Variants in PCDH11X observed in about 807,000 individuals in gnomAD.
PCDH11X encodes protocadherin-11 X-linked.
PCDH11X carries 18 observed loss-of-function variants against 53.3 expected under a neutral mutation model. The observed-to-expected ratio is 0.34, with a 90% CI of 0.23 to 0.50. The LOEUF (loss-of-function observed/expected upper bound fraction) is 0.50. Ranked by LOEUF, PCDH11X falls within the 20% of genes least tolerant of loss-of-function variation. The pLI, the probability that PCDH11X is intolerant of heterozygous loss-of-function variation, is 0.98. For missense variants in PCDH11X, 570 were observed against 1,032.4 expected (o/e 0.55, Z 6.14); for synonymous variants, 279 against 393.3 (o/e 0.71, Z 3.44).
At chrX:92,564,691 C>T (rs1389763358) in intron 10 of PCDH11X, among the ~76,000 whole-genome samples, 2 of 111,649 alleles carry the variant, frequency 1.8e-5, no homozygotes, top group Non-Finnish European at 3.8e-5. Flanking sequence ...AAGAAACTCT[C>T]CAAGACATTG....
intron 10 of PCDH11X, among the ~76,000 whole-genome samples, chrX:92,610,587 T>C (rs1260986697): frequency 2.7e-5 from 3 of 110,470 alleles, no homozygotes; most frequent in Non-Finnish European, 5.7e-5. Flanking sequence ...TTGCAGAAGC[T>C]CTTTAGTTTA....
At chrX:92,220,502 C>A (rs1268822027) in intron 7 of PCDH11X, among the ~76,000 whole-genome samples, 4 of 109,150 alleles carry the variant, frequency 3.7e-5, no homozygotes, top group Non-Finnish European at 3.8e-5. Flanking sequence ...CAATGAGATA[C>A]CACCTCACAC....
chrX:92,368,942 T>C (rs1421056420), intron 8 of PCDH11X, among the ~76,000 whole-genome samples: 5 of 106,711 alleles, frequency 4.7e-5, no homozygotes, highest in Non-Finnish European at 9.7e-5. Flanking sequence ...TCAACCCCTA[T>C]TGGGAGGTCT....
chrX:92,237,563 G>A (rs183142111), intron 7 of PCDH11X, among the ~76,000 whole-genome samples: 1 of 111,420 alleles, frequency 9.0e-6, no homozygotes, highest in East Asian at 2.8e-4. Context: ...ATTGTTTATA[G>A]TAAATTTTCT....
chrX:92,446,153 T>TAA (rs4020634), intron 9 of PCDH11X, among the ~76,000 whole-genome samples: 5 of 92,694 alleles, frequency 5.4e-5, no homozygotes, highest in South Asian at 5.0e-4. Flanking sequence ...AAAGCAGAAT[T>TAA]AAAAAAAAAA....
At chrX:92,469,019 TG>T (rs1479841455) in intron 10 of PCDH11X, among the ~76,000 whole-genome samples, 1 of 109,561 alleles carries the variant, frequency 9.1e-6, no homozygotes, top group Admixed American at 9.9e-5. Flanking sequence ...CACATTTCTT[TG>T]TTGTCCACTT....
At chrX:92,398,194 A>C (rs1319183943) in intron 9 of PCDH11X, among the ~76,000 whole-genome samples, 3 of 111,511 alleles carry the variant, frequency 2.7e-5, no homozygotes, top group Non-Finnish European at 5.6e-5. Context: ...ACTTTGGCAA[A>C]TATCCCCTCA....
chrX:91,814,324 G>A (rs1050670257), intron 4 of PCDH11X, among the ~76,000 whole-genome samples: 3 of 110,650 alleles, frequency 2.7e-5, no homozygotes, highest in Admixed American at 9.7e-5. Context: ...ACTGGGATGT[G>A]TCTTTCTCAA....
intron 10 of PCDH11X, among the ~76,000 whole-genome samples, chrX:92,544,919 C>G (rs1255217408): frequency 9.0e-6 from 1 of 111,398 alleles, no homozygotes; most frequent in African/African-American, 3.3e-5. Context: ...ATTGATATAT[C>G]CAGATTCAAG....
intron 6 of PCDH11X, among the ~76,000 whole-genome samples, chrX:92,017,295 G>C: frequency 9.0e-6 from 1 of 111,338 alleles, no homozygotes; most frequent in Non-Finnish European, 1.9e-5. Context: ...ATTACACATT[G>C]CATGCCTGTA....
intron 6 of PCDH11X, among the ~76,000 whole-genome samples, chrX:91,892,973 G>A (rs1602443693): frequency 9.1e-6 from 1 of 109,892 alleles, no homozygotes; most frequent in Non-Finnish European, 1.9e-5. Flanking sequence ...TTTAATACCA[G>A]AGAGTATATG....
intron 6 of PCDH11X, among the ~76,000 whole-genome samples, chrX:92,163,759 A>G: frequency 9.0e-6 from 1 of 110,750 alleles, no homozygotes; most frequent in East Asian, 2.9e-4. Flanking sequence ...CTTTCTTGGT[A>G]TATTTCTGTA....
At chrX:92,015,717 A>T (rs2062781577) in intron 6 of PCDH11X, among the ~76,000 whole-genome samples, 1 of 111,961 alleles carries the variant, frequency 8.9e-6, no homozygotes, top group South Asian at 3.7e-4. Context: ...CATAACATCT[A>T]CAGTGGCTTC....
At chrX:92,314,019 G>A (rs1452174276) in intron 8 of PCDH11X, among the ~76,000 whole-genome samples, 7 of 111,137 alleles carry the variant, frequency 6.3e-5, no homozygotes, top group Non-Finnish European at 1.1e-4. Context: ...ACACTAAATC[G>A]AAGGAAGTCT....
intron 7 of PCDH11X, among the ~76,000 whole-genome samples, chrX:92,204,526 T>C (rs1465982955): frequency 8.9e-6 from 1 of 112,068 alleles, no homozygotes; most frequent in Non-Finnish European, 1.9e-5. Flanking sequence ...CAGCCTGTAC[T>C]TCATTGTCCA....
chrX:92,329,300 A>G lies in PCDH11X; in HGVS notation c.3145-58435A>G, dbSNP rs72605200. ...GAGAAGCGTTGCAACATAATAAAGCATATCTGAAAAACCTATGGCCAGCAT... is the reference window on the plus strand; with the variant it reads ...GAGAAGCGTTGCAACATAATAAAGCGTATCTGAAAAACCTATGGCCAGCAT... On this transcript the variant is annotated intron_variant, in intron 8 of 10. Coordinates refer to ENST00000682573, the MANE Select transcript of PCDH11X (RefSeq NM_032968.5). 4.5e-5 allele frequency among the ~76,000 whole-genome samples: 5 copies of G among 111,481 alleles called. No individual in the cohort carries two copies. The East Asian group carries it at 8.5e-4, about 19-fold the overall frequency.
At chrX:92,054,697 G>A (rs1409542142) in intron 6 of PCDH11X, among the ~76,000 whole-genome samples, 1 of 109,180 alleles carries the variant, frequency 9.2e-6, no homozygotes, top group Non-Finnish European at 1.9e-5. Context: ...GCACATGCCT[G>A]TAATCCCAGC....
intron 10 of PCDH11X, among the ~76,000 whole-genome samples, chrX:92,489,563 G>A (rs34840997): frequency 1.0e-4 from 11 of 108,743 alleles, no homozygotes; most frequent in African/African-American, 1.3e-4. Context: ...CATGTATCCC[G>A]ACTCCTGCTT....
intron 6 of PCDH11X, among the ~76,000 whole-genome samples, chrX:92,010,193 T>C (rs1242418431): frequency 3.6e-5 from 4 of 110,322 alleles, no homozygotes; most frequent in Non-Finnish European, 7.6e-5. Context: ...AATAATATTC[T>C]CTTTCATCAA....
Sources: allele counts gnomAD v4.1 joint callset (sites outside exome capture counted in the v4.1 genomes callset), GRCh38; gene constraint gnomAD v4.1.1; transcripts MANE v1.5; gene names NCBI Gene and HGNC (gene_info 2026-07-23, HGNC 2026-07-21).